Variants in SEL1L2 observed in about 807,000 individuals in gnomAD.
The protein encoded by SEL1L2 is SEL1L2 adaptor subunit of SYVN1 ubiquitin ligase.
SEL1L2 carries 89 observed loss-of-function variants against 98.8 expected under a neutral mutation model. The observed-to-expected ratio is 0.90, with a 90% confidence interval of 0.76 to 1.07. The LOEUF is 1.07. SEL1L2 is among the 50% of genes least tolerant of loss of function. SEL1L2 has a pLI of 0.00. For missense variants in SEL1L2, 788 were observed against 812.0 expected (o/e 0.97, Z 0.36); for synonymous variants, 262 against 278.5 (o/e 0.94, Z 0.59).
chr20:13,877,491 A>G (rs2046488841), intron 11 of SEL1L2, 29 bp downstream of exon 11: 1 of 1,559,300 alleles, frequency 6.4e-7, no homozygotes, highest in South Asian at 1.1e-5. Context: ...TTAATAAATG[A>G]AAACAATGAA....
At chr20:13,963,415 A>G (rs1223269632) in intron 1 of SEL1L2, among the ~76,000 whole-genome samples, 1 of 151,164 alleles carries the variant, frequency 6.6e-6, no homozygotes, top group Admixed American at 6.6e-5. Context: ...AAAAAAAAAA[A>G]AAAAATCAGA....
rs76314311 is a variant in SEL1L2, at chr20:13,987,779, T to A, written c.58+2698A>T. 8.3e-3 allele frequency among the ~76,000 whole-genome samples: 1,262 copies of A among 152,356 alleles called. 16 individuals carry two copies. The highest frequency in any genetic ancestry group is 0.013 in the Non-Finnish European group (875 of 68,026). ...TCATGTGCTTGGTCATTTGTTCATC[T>A]TCTTTGGGAAAATTTCTATCCAATT... On this transcript the variant is annotated intron_variant, in intron 1 of 19. Coordinates refer to ENST00000284951, the MANE Select transcript of SEL1L2 (RefSeq NM_025229.2).
intron 2 of SEL1L2, among the ~76,000 whole-genome samples, chr20:13,939,039 TG>T (rs1422675377): frequency 4.2e-4 from 12 of 28,476 alleles, no homozygotes; most frequent in African/African-American, 8.2e-4. Context: ...TTGCTTGTTT[TG>T]TTTTTTTTTT....
intron 3 of SEL1L2, among the ~76,000 whole-genome samples, chr20:13,923,231 T>C (rs2048736907): frequency 6.6e-6 from 1 of 152,254 alleles, no homozygotes; most frequent in South Asian, 2.1e-4. Flanking sequence ...GCATTTTCAT[T>C]ATCAATTATA....
At chr20:13,880,758 G>A (rs1367017243) in intron 10 of SEL1L2, among the ~76,000 whole-genome samples, 2 of 152,030 alleles carry the variant, frequency 1.3e-5, no homozygotes, top group Non-Finnish European at 2.9e-5. Context: ...ATATTGGTAA[G>A]TTTTCTTTTT....
In SEL1L2 at chr20:13,908,103, C is replaced by CTT. The variant is rs71188195; in HGVS notation, c.549+5677_549+5678dup. ...TGCCTGGCTGATCAATTTCTTGGTT[C>CTT]TTTTTTTTTTTTTTTTTTTTTTTTT... On this transcript the variant is annotated intron_variant, in intron 5 of 19. Coordinates refer to ENST00000284951, the MANE Select transcript of SEL1L2 (RefSeq NM_025229.2). Among the ~76,000 whole-genome samples, 25 of 26,744 alleles carry CTT rather than the reference C, an allele frequency of 9.3e-4. 1 individual carries two copies. The highest frequency in any genetic ancestry group is 1.5e-3 in the African/African-American group (9 of 6,198). The allele number at this position is 26,744 out of a possible 152,430, so 17.5% of individuals were successfully genotyped here. A position where few individuals can be genotyped will look rare whatever the true frequency, so the allele number is the denominator to read the frequency against.
rs79077634 is a variant in SEL1L2, at chr20:13,889,476, C to T, written c.550-964G>A. On this transcript the variant is annotated intron_variant, in intron 5 of 19. Coordinates refer to ENST00000284951, the MANE Select transcript of SEL1L2 (RefSeq NM_025229.2). ...CTTATATACTTTCCTTTCTTGGAAA[C>T]GAAATATTTTTCCTTCAATATTTAA... Among the ~76,000 whole-genome samples, 8 of 152,114 alleles carry T rather than the reference C, an allele frequency of 5.3e-5. No individual in the cohort carries two copies. The East Asian group carries it at 1.2e-3, about 22-fold the overall frequency.
chr20:13,932,436 TTATTATTA>T (rs869058637), intron 2 of SEL1L2, among the ~76,000 whole-genome samples: 9 of 144,718 alleles, frequency 6.2e-5, no homozygotes, highest in East Asian at 3.9e-4. Context: ...ATTATTATTA[TTATTATTA>T]TTTTTTGAGA....
intron 18 of SEL1L2, among the ~76,000 whole-genome samples, chr20:13,856,604 C>A (rs1989206666): frequency 6.6e-6 from 1 of 152,140 alleles, no homozygotes; most frequent in Admixed American, 6.5e-5. Context: ...ACAAGGAGCT[C>A]ACTGGCTGAG....
intron 5 of SEL1L2, among the ~76,000 whole-genome samples, chr20:13,893,951 C>A (rs1391805796): frequency 6.6e-6 from 1 of 151,890 alleles, no homozygotes; most frequent in East Asian, 1.9e-4. Context: ...GAAGAAATCA[C>A]AAGGGAAATT....
chr20:13,886,617 G>C (rs1477671778), intron 8 of SEL1L2, among the ~76,000 whole-genome samples, 175 bp from the exon 9 acceptor site: 2 of 152,168 alleles, frequency 1.3e-5, no homozygotes, highest in Non-Finnish European at 2.9e-5. Context: ...GCCAGGTGCG[G>C]TTGCTCATGT....
chr20:13,887,701 G>C (rs1205320758), intron 8 of SEL1L2, 68 bp downstream of exon 8: 20 of 982,776 alleles, frequency 2.0e-5, no homozygotes, highest in Non-Finnish European at 2.7e-5. Flanking sequence ...CAATTGAACT[G>C]TTATTGATTT....
chr20:13,880,202 C>G (rs2046630726), intron 10 of SEL1L2, among the ~76,000 whole-genome samples: 1 of 152,130 alleles, frequency 6.6e-6, no homozygotes, highest in African/African-American at 2.4e-5. Context: ...AAATCATTTT[C>G]AAAGTCCAGT....
At chr20:13,880,149 T>C (rs2046627836) in intron 10 of SEL1L2, among the ~76,000 whole-genome samples, 1 of 152,258 alleles carries the variant, frequency 6.6e-6, no homozygotes, top group Non-Finnish European at 1.5e-5. Flanking sequence ...AGCTGGACTT[T>C]AATCTTTATA....
intron 1 of SEL1L2, among the ~76,000 whole-genome samples, chr20:13,974,473 C>CTTTTT (rs1252330288): frequency 1.2e-5 from 1 of 85,286 alleles, no homozygotes; most frequent in African/African-American, 4.1e-5. Flanking sequence ...CTCTCTCTCT[C>CTTTTT]TCTTTTTTTT....
chr20:13,891,752 G>A (rs918817353), intron 5 of SEL1L2, among the ~76,000 whole-genome samples: 1 of 145,084 alleles, frequency 6.9e-6, no homozygotes, highest in South Asian at 2.2e-4. Context: ...AATGAAAGAA[G>A]AATAAAGCCC....
chr20:13,973,780 G>A (rs901547314), intron 1 of SEL1L2, among the ~76,000 whole-genome samples: 1 of 152,180 alleles, frequency 6.6e-6, no homozygotes, highest in Non-Finnish European at 1.5e-5. Context: ...GGTTCCTGAT[G>A]TTTAACCTAG....
intron 1 of SEL1L2, among the ~76,000 whole-genome samples, chr20:13,981,508 C>T (rs1388335955): frequency 6.6e-6 from 1 of 152,190 alleles, no homozygotes; most frequent in Non-Finnish European, 1.5e-5. Context: ...ATTAGTCTGA[C>T]TTAATCATTG....
intron 5 of SEL1L2, 63 bp from the exon 6 acceptor site, chr20:13,888,575 A>G: frequency 1.3e-6 from 1 of 765,122 alleles, no homozygotes; most frequent in Non-Finnish European, 2.2e-6. Flanking sequence ...ATCTATATGG[A>G]TAAGGGATAT....
Sources: allele counts gnomAD v4.1 joint callset (sites outside exome capture counted in the v4.1 genomes callset), GRCh38; gene constraint gnomAD v4.1.1; transcripts MANE v1.5; gene names NCBI Gene and HGNC (gene_info 2026-07-23, HGNC 2026-07-21).